The following CS variants were observed in gnomAD, a reference collection of about 807,000 sequenced individuals.
CS encodes citrate synthase, mitochondrial.
CS carries 13 observed loss-of-function variants against 61.4 expected under a neutral mutation model. The observed-to-expected ratio is 0.21, with a 90% CI of 0.14 to 0.34. The LOEUF is 0.34. Among genes scored for constraint, CS ranks in the 10% least tolerant of loss-of-function variants. CS has a pLI of 1.00. For synonymous variants in CS, 159 were observed against 215.2 expected, an observed-to-expected ratio of 0.74 and a Z score of 2.29; for missense variants, 278 against 573.4, an observed-to-expected ratio of 0.48 and a Z score of 5.26.
Position 56,300,122 on chromosome 12 carries a change from C to T in CS, c.42+38G>A, listed in dbSNP as rs777571750. 7 of 1,548,430 alleles carry T rather than the reference C, an allele frequency of 4.5e-6. No individual in the cohort carries two copies. The African/African-American group carries it at 9.6e-5, about 21-fold the overall frequency. On this transcript the variant is annotated intron_variant, in intron 1 of 10. Coordinates refer to ENST00000351328, the MANE Select transcript of CS (RefSeq NM_004077.3). The stretch of plus-strand genomic sequence containing the variant: ...GGAGGGCCTGCGGTCGCCTCAGCCC[C>T]ACCCTGGGACGGCGTGCTCCCTCCC...
intron 1 of CS, among the ~76,000 whole-genome samples, chr12:56,291,986 T>C (rs1023658497): frequency 1.3e-5 from 2 of 152,194 alleles, no homozygotes; most frequent in African/African-American, 4.8e-5. Context: ...CTATTATTGA[T>C]AGAGGTGGGC....
intron 1 of CS, among the ~76,000 whole-genome samples, chr12:56,290,845 T>C (rs1565623155): frequency 1.3e-5 from 2 of 152,162 alleles, no homozygotes; most frequent in Non-Finnish European, 2.9e-5. Context: ...CAGAGTCTGA[T>C]TCTCAGGTTC....
At position 56,286,323 on chromosome 12, in the gene CS, G is replaced by A. The variant is rs1872937875; in HGVS notation, c.93+272C>T. On this transcript the variant is annotated intron_variant, in intron 2 of 10. Transcript: ENST00000351328. ...CCATATACTTAAAAATGATTAAAAT[G>A]GTAAATTTTATGTTATGTATATTTT... is the stretch of plus-strand genomic sequence containing the variant. 1.2e-5 allele frequency: 6 copies of A among 521,658 alleles called. No homozygotes were observed. In the Admixed American group the frequency reaches 1.8e-4, roughly 15 times the overall value. 32.3% of individuals were successfully genotyped at this position (521,658 alleles called of 1,614,324 possible).
intron 6 of CS, among the ~76,000 whole-genome samples, chr12:56,280,432 A>AAAAAAAAAAAG (rs1872746771): frequency 6.8e-6 from 1 of 147,308 alleles, no homozygotes; most frequent in Non-Finnish European, 1.5e-5. Context: ...AAACAAAAAA[A>AAAAAAAAAAAG]AAAAACAAAA....
intron 3 of CS, 123 bp from the exon 4 acceptor site, chr12:56,283,980 A>G: frequency 1.4e-6 from 1 of 711,150 alleles, no homozygotes; most frequent in Non-Finnish European, 2.4e-6. Context: ...TCAGACTTGT[A>G]AGACTTCATT....
chr12:56,285,639 C>T (rs1230124624), intron 3 of CS, among the ~76,000 whole-genome samples: 1 of 152,062 alleles, frequency 6.6e-6, no homozygotes, highest in African/African-American at 2.4e-5. Flanking sequence ...CCCACTCAAC[C>T]ACTCCCCAAC....
chr12:56,295,707 C>T (rs1308943721), intron 1 of CS, among the ~76,000 whole-genome samples: 11 of 151,730 alleles, frequency 7.2e-5, no homozygotes, highest in Admixed American at 5.3e-4. Context: ...GTAATCCCAG[C>T]ACTGTGGGAG....
chr12:56,300,247 A>G lies in CS; in HGVS notation c.-46T>C, dbSNP rs767050497. ...TGGTGGGGAGGTAAGAAAGGGAGAG[A>G]GCTGCGGCAGGAACAGGAGCCGCCG... On this transcript the variant is annotated 5_prime_UTR_variant, in exon 1 of 11. Coordinates refer to ENST00000351328, the MANE Select transcript of CS (RefSeq NM_004077.3). The G allele has an allele frequency of 5.9e-6, 9 of 1,538,436 alleles. No individual in the cohort carries two copies. The Admixed American group carries it at 1.8e-4, about 31-fold the overall frequency.
In CS at chr12:56,282,994, TGA is replaced by T. The variant is rs1161648821; in HGVS notation, c.268-5_268-4del. The T allele has an allele frequency of 3.1e-6, 5 of 1,613,954 alleles. No individual in the cohort carries two copies. The highest frequency in any genetic ancestry group is 2.2e-5 in the South Asian group (2 of 91,094). On this transcript the variant is annotated splice_region_variant and splice_polypyrimidine_tract_variant and intron_variant, in intron 4 of 10. Transcript: ENST00000351328. ...CTAAAGCCTCGGAAACGGATGCCCT[TGA>T]GAGAGGAGAGAGAGAATTACAACTC...
At chr12:56,292,586 A>G (rs1592413453) in intron 1 of CS, among the ~76,000 whole-genome samples, 1 of 151,316 alleles carries the variant, frequency 6.6e-6, no homozygotes, top group East Asian at 2.0e-4. Flanking sequence ...TGCAGAAAGT[A>G]TAAAAATGGC....
Sources: allele counts gnomAD v4.1 joint callset (sites outside exome capture counted in the v4.1 genomes callset), GRCh38; gene constraint gnomAD v4.1.1; transcripts MANE v1.5; gene names NCBI Gene and HGNC (gene_info 2026-07-23, HGNC 2026-07-21).